Variants in ASIC2 observed in about 807,000 individuals in gnomAD.
The protein encoded by ASIC2 is acid sensing ion channel subunit 2.
A neutral mutation model predicts 57.3 loss-of-function variants in ASIC2; 25 were observed. The ratio of observed to expected loss-of-function variants is 0.44; its 90% CI spans 0.32 to 0.61. ASIC2 has a LOEUF of 0.61. ASIC2 is among the 20% of genes least tolerant of loss of function. ASIC2 has a pLI of 0.06. For missense variants in ASIC2, 641 were observed against 738.1 expected (o/e 0.87, Z 1.52); for synonymous variants, 319 against 307.5 (o/e 1.04, Z -0.39).
At chr17:33,751,138 A>G (rs1470715278) in intron 1 of ASIC2, among the ~76,000 whole-genome samples, 1 of 152,164 alleles carries the variant, frequency 6.6e-6, no homozygotes, top group Non-Finnish European at 1.5e-5. Flanking sequence ...TTATTTGTTC[A>G]GTTTAATTTA....
At chr17:33,036,543 G>T (rs1311335040) in intron 3 of ASIC2, among the ~76,000 whole-genome samples, 1 of 152,008 alleles carries the variant, frequency 6.6e-6, no homozygotes, top group African/African-American at 2.4e-5. Context: ...CGATCTTCCC[G>T]CCTCAGCCTC....
At chr17:33,663,181 T>C (rs1324532058) in intron 1 of ASIC2, among the ~76,000 whole-genome samples, 1 of 152,192 alleles carries the variant, frequency 6.6e-6, no homozygotes, top group African/African-American at 2.4e-5. Context: ...AATGAGAAAA[T>C]TGAGGCTTTG....
intron 3 of ASIC2, among the ~76,000 whole-genome samples, chr17:33,068,604 C>A (rs946322680): frequency 2.0e-5 from 3 of 152,212 alleles, no homozygotes; most frequent in Admixed American, 1.3e-4. Flanking sequence ...GCAGTTGCAA[C>A]TCAGTGCCAA....
chr17:33,518,232 A>G (rs1914633401), intron 1 of ASIC2, among the ~76,000 whole-genome samples: 1 of 152,222 alleles, frequency 6.6e-6, no homozygotes, highest in African/African-American at 2.4e-5. Flanking sequence ...ACCTAAGAGT[A>G]AGCTCTAGAA....
At chr17:33,509,035 G>T (rs537329133) in intron 1 of ASIC2, among the ~76,000 whole-genome samples, 1 of 152,248 alleles carries the variant, frequency 6.6e-6, no homozygotes, top group Non-Finnish European at 1.5e-5. Flanking sequence ...GCTGGTTTTT[G>T]TTAAGTTATA....
At chr17:33,881,018 T>C (rs920763018) in intron 1 of ASIC2, among the ~76,000 whole-genome samples, 1 of 152,206 alleles carries the variant, frequency 6.6e-6, no homozygotes, top group Non-Finnish European at 1.5e-5. Context: ...ACCACATGAT[T>C]ATCTCAATAG....
chr17:33,369,149 C>T (rs1055207200), intron 1 of ASIC2, among the ~76,000 whole-genome samples: 1 of 152,142 alleles, frequency 6.6e-6, no homozygotes, highest in African/African-American at 2.4e-5. Flanking sequence ...AGTGTTCCAA[C>T]CAAAGATCTC....
At chr17:33,103,018 C>T (rs563538376) in intron 2 of ASIC2, among the ~76,000 whole-genome samples, 23 of 152,236 alleles carry the variant, frequency 1.5e-4, no homozygotes, top group East Asian at 3.9e-4. Context: ...CTCCTGACCT[C>T]GTGATCCGCC....
chr17:33,318,881 G>A (rs1197868184), intron 1 of ASIC2, among the ~76,000 whole-genome samples: 4 of 152,176 alleles, frequency 2.6e-5, no homozygotes, highest in Non-Finnish European at 5.9e-5. Context: ...TGATGATTAG[G>A]GAAGGAAAGT....
At chr17:34,152,373 G>A (rs538134753) in intron 1 of ASIC2, among the ~76,000 whole-genome samples, 2 of 152,240 alleles carry the variant, frequency 1.3e-5, no homozygotes, top group Non-Finnish European at 2.9e-5. Flanking sequence ...AAATAACCAT[G>A]TCCTGGACAC....
At chr17:33,462,027 C>T (rs1034394442) in intron 1 of ASIC2, among the ~76,000 whole-genome samples, 1 of 152,126 alleles carries the variant, frequency 6.6e-6, no homozygotes, top group Non-Finnish European at 1.5e-5. Flanking sequence ...GGAGCTTGTA[C>T]TTTAGTGGAA....
At chr17:33,239,719 T>G (rs1438928292) in intron 1 of ASIC2, among the ~76,000 whole-genome samples, 1 of 152,208 alleles carries the variant, frequency 6.6e-6, no homozygotes, top group African/African-American at 2.4e-5. Context: ...GAAGGTTTGC[T>G]GAGATCTGGG....
At chr17:33,878,025 C>CA (rs1914597781) in intron 1 of ASIC2, among the ~76,000 whole-genome samples, 3 of 152,206 alleles carry the variant, frequency 2.0e-5, no homozygotes, top group African/African-American at 7.2e-5. Flanking sequence ...CAGCGAACTC[C>CA]AACAGACCTG....
chr17:33,138,307 G>A (rs2092373833), intron 1 of ASIC2, among the ~76,000 whole-genome samples: 1 of 152,172 alleles, frequency 6.6e-6, no homozygotes, highest in African/African-American at 2.4e-5. Context: ...GCCATGTCAG[G>A]CTGCACAGAG....
At chr17:34,128,441 G>A (rs1911853426) in intron 1 of ASIC2, among the ~76,000 whole-genome samples, 1 of 152,202 alleles carries the variant, frequency 6.6e-6, no homozygotes, top group Non-Finnish European at 1.5e-5. Flanking sequence ...CCGCTGCAGT[G>A]TGGTTCACTT....
chr17:33,431,433 G>A (rs1168687537), intron 1 of ASIC2, among the ~76,000 whole-genome samples: 1 of 152,048 alleles, frequency 6.6e-6, no homozygotes, highest in African/African-American at 2.4e-5. Context: ...ATGAAACCCT[G>A]TCTCTACTAA....
At chr17:34,087,423 G>A (rs1239196195) in intron 1 of ASIC2, among the ~76,000 whole-genome samples, 1 of 152,060 alleles carries the variant, frequency 6.6e-6, no homozygotes, top group Non-Finnish European at 1.5e-5. Flanking sequence ...TTAGTCTGAT[G>A]GGCTTCCCTT....
At chr17:33,881,419 G>T (rs1914697454) in intron 1 of ASIC2, among the ~76,000 whole-genome samples, 1 of 152,148 alleles carries the variant, frequency 6.6e-6, no homozygotes, top group Non-Finnish European at 1.5e-5. Flanking sequence ...AAAGTCTCAG[G>T]ATACAAAATC....
intron 1 of ASIC2, among the ~76,000 whole-genome samples, chr17:33,761,807 A>G (rs2347557): frequency 0.34 from 51,250 of 149,876 alleles, 10,605 homozygotes; most frequent in Non-Finnish European, 0.49. Flanking sequence ...CTGTTTCAAA[A>G]CCCACCTAAG....
Sources: gnomAD v4.1 joint callset for allele counts (sites outside exome capture counted in the v4.1 genomes callset) on GRCh38, gnomAD v4.1.1 for gene constraint, MANE v1.5 for transcripts, NCBI Gene and HGNC (gene_info 2026-07-23, HGNC 2026-07-21) for gene names.